Variants in GSK3B observed in about 807,000 individuals in gnomAD.
GSK3B encodes glycogen synthase kinase-3 beta.
GSK3B carries 15 observed loss-of-function variants against 56.4 expected under a neutral mutation model. The observed-to-expected ratio is 0.27, with a 90% CI of 0.18 to 0.41. The LOEUF (loss-of-function observed/expected upper bound fraction) is 0.41, where lower values mean the gene tolerates loss of function less well. Among genes scored for constraint, GSK3B ranks in the 10% least tolerant of loss-of-function variants. The probability of loss-of-function intolerance (pLI) is 1.00; values close to 1 mark genes in which losing one functional copy is unlikely to be tolerated. For synonymous variants in GSK3B, 181 were observed against 188.9 expected (o/e 0.96, Z 0.34); for missense variants, 300 against 513.4 (o/e 0.58, Z 4.02).
intron 1 of GSK3B, among the ~76,000 whole-genome samples, chr3:120,079,928 C>A (rs892435074): frequency 2.0e-5 from 3 of 152,122 alleles, no homozygotes; most frequent in Non-Finnish European, 4.4e-5. Flanking sequence ...GAAGGAAATA[C>A]CATGCTGATA....
At chr3:119,959,567 T>C (rs1039364847) in intron 2 of GSK3B, among the ~76,000 whole-genome samples, 3 of 143,552 alleles carry the variant, frequency 2.1e-5, no homozygotes, top group African/African-American at 5.2e-5. Flanking sequence ...CAGGCTGGAG[T>C]GCAGTGGCAT....
intron 1 of GSK3B, among the ~76,000 whole-genome samples, chr3:120,037,166 C>T (rs2058030183): frequency 6.6e-6 from 1 of 152,134 alleles, no homozygotes; most frequent in Admixed American, 6.5e-5. Flanking sequence ...AATTGCTTTG[C>T]TATTTTACTC....
intron 7 of GSK3B, among the ~76,000 whole-genome samples, chr3:119,881,102 T>C (rs1284918076): frequency 2.0e-5 from 3 of 152,166 alleles, no homozygotes; most frequent in East Asian, 1.9e-4. Flanking sequence ...AATTGTGGCA[T>C]AGTCATACAA....
At chr3:119,839,991 T>C (rs771477957) in intron 10 of GSK3B, among the ~76,000 whole-genome samples, 11 of 152,198 alleles carry the variant, frequency 7.2e-5, no homozygotes, top group Non-Finnish European at 1.6e-4. Flanking sequence ...TCTAGAGCTT[T>C]ATAGTTTAAT....
chr3:119,848,049 A>T (rs2055879889), intron 9 of GSK3B, among the ~76,000 whole-genome samples: 1 of 152,170 alleles, frequency 6.6e-6, no homozygotes, highest in African/African-American at 2.4e-5. Flanking sequence ...CAGTAAGATT[A>T]TTTTTGTTAC....
chr3:119,972,238 C>A (rs1405388561), intron 2 of GSK3B, among the ~76,000 whole-genome samples: 1 of 151,958 alleles, frequency 6.6e-6, no homozygotes, highest in East Asian at 1.9e-4. Flanking sequence ...CAATGAGATT[C>A]AAATAAGGTA....
intron 1 of GSK3B, among the ~76,000 whole-genome samples, chr3:120,009,397 G>A (rs1030774896): frequency 2.6e-5 from 4 of 152,012 alleles, no homozygotes; most frequent in African/African-American, 9.7e-5. Flanking sequence ...CATTTACTGC[G>A]GCACTATTCA....
chr3:120,020,807 C>G (rs577834184), intron 1 of GSK3B, among the ~76,000 whole-genome samples: 51 of 152,238 alleles, frequency 3.4e-4, no homozygotes, highest in Non-Finnish European at 5.3e-4. Context: ...CTTCTTGTGC[C>G]AAACAGCCAA....
intron 1 of GSK3B, among the ~76,000 whole-genome samples, chr3:120,006,691 A>G (rs2057731586): frequency 3.9e-5 from 6 of 152,244 alleles, no homozygotes; most frequent in Admixed American, 3.9e-4. Flanking sequence ...ATTAAGACAG[A>G]AAGAAATAAG....
rs72546699 is a variant in GSK3B, at chr3:119,912,871, T to C, written c.609-61A>G. Reference sequence around the variant, plus strand: ...TCTTTAAATCTAAACCTTAAAGAACTTAGACTGCTATCCTTTCACAGTATC... The same window carrying C: ...TCTTTAAATCTAAACCTTAAAGAACCTAGACTGCTATCCTTTCACAGTATC... On this transcript the variant is annotated intron_variant, in intron 5 of 10. Coordinates refer to ENST00000264235, the MANE Select transcript of GSK3B (RefSeq NM_001146156.2). 9.6e-6 allele frequency: 7 copies of C among 726,542 alleles called. No homozygotes were observed. In the African/African-American group the frequency reaches 1.1e-4, roughly 11 times the overall value. The allele number at this position is 726,542 out of a possible 1,614,324, so 45.0% of individuals were successfully genotyped here.
chr3:119,982,173 A>T (rs1159081835), intron 2 of GSK3B, among the ~76,000 whole-genome samples: 1 of 151,696 alleles, frequency 6.6e-6, no homozygotes, highest in African/African-American at 2.4e-5. Flanking sequence ...ATCAACATCA[A>T]CAAAAAGGAC....
chr3:119,831,897 A>G (rs2055607105), intron 10 of GSK3B, among the ~76,000 whole-genome samples: 1 of 152,228 alleles, frequency 6.6e-6, no homozygotes, highest in South Asian at 2.1e-4. Flanking sequence ...GATGGACTTA[A>G]GAGGAAATAG....
chr3:120,027,561 T>C (rs1481883998), intron 1 of GSK3B, among the ~76,000 whole-genome samples: 1 of 152,176 alleles, frequency 6.6e-6, no homozygotes, highest in African/African-American at 2.4e-5. Flanking sequence ...AGATGTCCAA[T>C]AGCAGAGAAT....
chr3:119,904,129 A>C (rs982980587), intron 7 of GSK3B, among the ~76,000 whole-genome samples: 2 of 151,850 alleles, frequency 1.3e-5, no homozygotes, highest in Admixed American at 1.3e-4. Flanking sequence ...TAACTTCATC[A>C]ATAAAAAAAT....
intron 1 of GSK3B, among the ~76,000 whole-genome samples, chr3:120,014,777 G>A (rs1194310685): frequency 3.3e-5 from 5 of 152,148 alleles, no homozygotes; most frequent in Admixed American, 2.6e-4. Flanking sequence ...AGGAGAGGCA[G>A]AGAAAACAAA....
chr3:119,914,057 T>C (rs2107455841), intron 5 of GSK3B, among the ~76,000 whole-genome samples: 1 of 152,206 alleles, frequency 6.6e-6, no homozygotes, highest in Admixed American at 6.5e-5. Flanking sequence ...TGAAGTTTTT[T>C]CACTACCTGA....
At chr3:120,052,873 C>T (rs2058161692) in intron 1 of GSK3B, among the ~76,000 whole-genome samples, 1 of 152,156 alleles carries the variant, frequency 6.6e-6, no homozygotes, top group African/African-American at 2.4e-5. Context: ...CATTTAACCT[C>T]AATAGCCGTG....
chr3:119,870,008 T>C (rs2056232292), intron 8 of GSK3B, among the ~76,000 whole-genome samples: 1 of 152,234 alleles, frequency 6.6e-6, no homozygotes, highest in Non-Finnish European at 1.5e-5. Context: ...GGCTCTCCTA[T>C]GAATATAGAA....
At chr3:119,963,158 C>T (rs777744363) in intron 2 of GSK3B, among the ~76,000 whole-genome samples, 7 of 152,102 alleles carry the variant, frequency 4.6e-5, no homozygotes, top group Non-Finnish European at 8.8e-5. Context: ...AAGACTTGTA[C>T]ACTAAAAATT....
Sources: allele counts gnomAD v4.1 joint callset (sites outside exome capture counted in the v4.1 genomes callset), GRCh38; gene constraint gnomAD v4.1.1; transcripts MANE v1.5; gene names NCBI Gene and HGNC (gene_info 2026-07-23, HGNC 2026-07-21).